PCDHGA4: variants seen among roughly 807,000 people sequenced by gnomAD.
PCDHGA4 encodes the protein protocadherin gamma-A4.
In PCDHGA4, 38 loss-of-function variants were observed where a neutral mutation model predicts 54.6. The ratio of observed to expected loss-of-function variants is 0.70; its 90% CI spans 0.54 to 0.91. The LOEUF (loss-of-function observed/expected upper bound fraction) is 0.91. Ranked by LOEUF, PCDHGA4 falls within the 40% of genes least tolerant of loss-of-function variation. PCDHGA4 has a pLI of 0.00. For synonymous variants in PCDHGA4, 511 were observed against 512.9 expected (o/e 1.00, Z 0.05); for missense variants, 1,298 against 1,220.9 (o/e 1.06, Z -0.94).
chr5:141,366,696 A>T (rs1337477969), intron 1 of PCDHGA4: 1 of 1,614,244 alleles, frequency 6.2e-7, no homozygotes. Flanking sequence ...GAGAAAAGCG[A>T]GCCTCTTCTG....
At chr5:141,444,358 A>T (rs2098433774) in intron 1 of PCDHGA4, among the ~76,000 whole-genome samples, 1 of 151,436 alleles carries the variant, frequency 6.6e-6, no homozygotes, top group Non-Finnish European at 1.5e-5. Context: ...TTTAGTAGAG[A>T]CGGGGTTTCT....
chr5:141,449,622 T>A (rs889336036), intron 1 of PCDHGA4, among the ~76,000 whole-genome samples: 1 of 150,910 alleles, frequency 6.6e-6, no homozygotes, highest in African/African-American at 2.4e-5. Context: ...AAAAGTTTTT[T>A]AAAAAGATGT....
intron 2 of PCDHGA4, among the ~76,000 whole-genome samples, chr5:141,496,468 C>T (rs1410143575): frequency 2.0e-5 from 3 of 152,126 alleles, no homozygotes; most frequent in Non-Finnish European, 4.4e-5. Context: ...AGTTATCTTT[C>T]CCCCATCCTG....
intron 1 of PCDHGA4, chr5:141,422,129 A>T: frequency 6.3e-7 from 1 of 1,599,702 alleles, no homozygotes; most frequent in East Asian, 2.2e-5. Flanking sequence ...CAAACTGGAG[A>T]AGTTCAAGTA....
chr5:141,424,797 C>G (rs1262781875), intron 1 of PCDHGA4: 1 of 151,908 alleles, frequency 6.6e-6, no homozygotes, highest in Non-Finnish European at 1.5e-5. Flanking sequence ...TTATTCAGAC[C>G]AACTTGTTAT....
chr5:141,478,040 C>G (rs773058963), intron 1 of PCDHGA4: 1 of 1,614,160 alleles, frequency 6.2e-7, no homozygotes, highest in Non-Finnish European at 8.5e-7. Context: ...TTCACCCAGG[C>G]AGACTCTCAC....
At chr5:141,402,025 AAC>A (rs1265000731) in intron 1 of PCDHGA4, among the ~76,000 whole-genome samples, 9 of 152,192 alleles carry the variant, frequency 5.9e-5, no homozygotes, top group African/African-American at 1.7e-4. Flanking sequence ...GAATCATTGA[AAC>A]ACAGTCTGTG....
intron 1 of PCDHGA4, chr5:141,400,068 GC>G (rs1160956861): frequency 6.2e-7 from 1 of 1,613,706 alleles, no homozygotes; most frequent in African/African-American, 1.3e-5. Context: ...ATGGTGGACA[GC>G]CGCCACTCTC....
intron 1 of PCDHGA4, among the ~76,000 whole-genome samples, chr5:141,447,285 A>G (rs143024915): frequency 0.046 from 7,013 of 152,060 alleles, 241 homozygotes; most frequent in African/African-American, 0.093. Context: ...GACTACAGGC[A>G]CATGCCACCA....
At position 141,404,183 on chromosome 5, in the gene PCDHGA4, G is replaced by A; in HGVS notation, c.2514+46562G>A. The A allele has an allele frequency of 1.2e-6, 2 of 1,613,154 alleles. No individual in the cohort carries two copies. Among genetic ancestry groups the A allele is most frequent in the South Asian group, 1.1e-5 (1 of 90,926 alleles). On this transcript the variant is annotated intron_variant, in intron 1 of 3. Coordinates refer to ENST00000571252, the MANE Select transcript of PCDHGA4 (RefSeq NM_018917.4). Reference sequence around the variant, plus strand: ...CAGATTGTTGACGGCCCAAATTCTTGACCGAGAAAAAGCCTCAGAATATAA... The same window carrying A: ...CAGATTGTTGACGGCCCAAATTCTTAACCGAGAAAAAGCCTCAGAATATAA...
chr5:141,399,649 G>A (rs1325160100), intron 1 of PCDHGA4: 2 of 1,613,794 alleles, frequency 1.2e-6, no homozygotes, highest in East Asian at 2.2e-5. Flanking sequence ...CGCGCAAAGT[G>A]GGGTGGTGTT....
chr5:141,362,239 C>T, intron 1 of PCDHGA4: 1 of 1,614,060 alleles, frequency 6.2e-7, no homozygotes, highest in Non-Finnish European at 8.5e-7. Flanking sequence ...GATCTCAGTG[C>T]TCTTCTTCCT....
chr5:141,394,127 C>T lies in PCDHGA4; in HGVS notation c.2514+36506C>T, dbSNP rs376102299. 4.0e-5 allele frequency: 64 copies of T among 1,613,960 alleles called. No homozygotes were observed. The African/African-American group carries it at 7.1e-4, about 18-fold the overall frequency. ...CACCTCTGTCCACTGAAACTCAAAT[C>T]GCTCTGCACGTGGCAGACATTAACG... is the stretch of plus-strand genomic sequence containing the variant. On this transcript the variant is annotated intron_variant, in intron 1 of 3. Transcript: ENST00000571252.
intron 1 of PCDHGA4, among the ~76,000 whole-genome samples, chr5:141,425,869 C>T (rs1376765137): frequency 2.0e-5 from 3 of 152,198 alleles, no homozygotes. Context: ...TATAGATTCC[C>T]ATCTCTAAGG....
chr5:141,360,782 A>T, intron 1 of PCDHGA4: 1 of 1,613,948 alleles, frequency 6.2e-7, no homozygotes, highest in East Asian at 2.2e-5. Context: ...ACAGCTGTGG[A>T]TGGCGGAGAC....
At position 141,383,787 on chromosome 5, in the gene PCDHGA4, G is replaced by A. The variant is rs773505278; in HGVS notation, c.2514+26166G>A. 12 of 1,613,832 alleles carry A rather than the reference G, an allele frequency of 7.4e-6. No homozygotes were observed. In the South Asian group the frequency reaches 7.7e-5, roughly 10 times the overall value. On this transcript the variant is annotated intron_variant, in intron 1 of 3. Transcript: ENST00000571252. ...TTCCAAAGATGTTTCATCTGAACTC[G>A]CTTACAGGAGAAATATCAACTTTAG...
At chr5:141,414,557 A>T (rs749209012) in intron 1 of PCDHGA4, 25 of 1,613,906 alleles carry the variant, frequency 1.5e-5, no homozygotes, top group Non-Finnish European at 2.0e-5. Flanking sequence ...CAAGTCTCCT[A>T]CTTTACCTAT....
intron 1 of PCDHGA4, chr5:141,376,051 C>G (rs771320447): frequency 7.4e-6 from 12 of 1,613,344 alleles, no homozygotes; most frequent in Non-Finnish European, 9.3e-6. Context: ...CTCTCTCCGC[C>G]ACTGTCACGC....
rs902736924 is a variant in PCDHGA4 at position 141,355,063 on chromosome 5, C to G, written c.-45C>G. On this transcript the variant is annotated 5_prime_UTR_variant, in exon 1 of 4. Coordinates refer to ENST00000571252, the MANE Select transcript of PCDHGA4 (RefSeq NM_018917.4). ...GCAGCACAAAGCACTGGCTCTGGAG[C>G]TTTATGAAAGCTTCAAGCGGAAGCC... 6.1e-6 allele frequency: 8 copies of G among 1,314,420 alleles called. No individual in the cohort carries two copies. Among genetic ancestry groups the G allele is most frequent in the Non-Finnish European group, 7.2e-6 (7 of 977,900 alleles). 81.4% of individuals were successfully genotyped at this position (1,314,420 alleles called of 1,614,324 possible). A position where few individuals can be genotyped will look rare whatever the true frequency, so the allele number is the denominator to read the frequency against.
Sources: allele counts gnomAD v4.1 joint callset (sites outside exome capture counted in the v4.1 genomes callset), GRCh38; gene constraint gnomAD v4.1.1; transcripts MANE v1.5; gene names NCBI Gene and HGNC (gene_info 2026-07-23, HGNC 2026-07-21).